LARS2: variants seen among roughly 807,000 people sequenced by gnomAD.
LARS2 encodes the protein leucine--tRNA ligase, mitochondrial.
LARS2 carries 81 observed loss-of-function variants against 116.6 expected under a neutral mutation model. That is an observed-to-expected ratio of 0.69 (90% CI 0.58 to 0.84). The LOEUF is 0.84. Ranked by LOEUF, LARS2 falls within the 40% of genes least tolerant of loss-of-function variation. The pLI is 0.00. For missense variants in LARS2, 968 were observed against 1,114.5 expected, an observed-to-expected ratio of 0.87 and a Z score of 1.87; for synonymous variants, 396 against 407.2, an observed-to-expected ratio of 0.97 and a Z score of 0.33.
chr3:45,483,482 C>G (rs1699740768), intron 10 of LARS2, among the ~76,000 whole-genome samples: 1 of 152,060 alleles, frequency 6.6e-6, no homozygotes, highest in Non-Finnish European at 1.5e-5. Flanking sequence ...AACCCCATCT[C>G]TACTAAAAAT....
intron 6 of LARS2, chr3:45,422,416 G>C (rs1698529757): frequency 6.6e-6 from 1 of 151,962 alleles, no homozygotes; most frequent in Admixed American, 6.6e-5. Context: ...TATGTACTTA[G>C]ACCTTTGAGA....
intron 10 of LARS2, among the ~76,000 whole-genome samples, chr3:45,480,028 C>T (rs1699672027): frequency 6.6e-6 from 1 of 152,190 alleles, no homozygotes; most frequent in Non-Finnish European, 1.5e-5. Flanking sequence ...TAATTAATTG[C>T]TCACTACTGT....
chr3:45,495,825 G>A (rs1700001595), intron 13 of LARS2, among the ~76,000 whole-genome samples: 1 of 151,862 alleles, frequency 6.6e-6, no homozygotes, highest in Non-Finnish European at 1.5e-5. Context: ...AATATAAAAA[G>A]AGAGCTTTCC....
At chr3:45,496,496 G>A (rs1700013881) in intron 14 of LARS2, 123 bp downstream of exon 14, 1 of 753,564 alleles carries the variant, frequency 1.3e-6, no homozygotes, top group Admixed American at 1.9e-5. Flanking sequence ...CAGATTAAAG[G>A]GGAGAAGAGG....
intron 15 of LARS2, chr3:45,509,555 T>A (rs1700252199): frequency 6.6e-6 from 1 of 152,106 alleles, no homozygotes; most frequent in Admixed American, 6.6e-5. Context: ...TGCCTGTTCT[T>A]ATTGTAAGCT....
At chr3:45,498,188 C>A (rs1419497679) in intron 14 of LARS2, among the ~76,000 whole-genome samples, 1 of 152,166 alleles carries the variant, frequency 6.6e-6, no homozygotes, top group Non-Finnish European at 1.5e-5. Context: ...CTCAAGTTAC[C>A]GTGGCGGGAG....
chr3:45,535,626 T>A (rs1490523860), intron 20 of LARS2, among the ~76,000 whole-genome samples: 3 of 151,954 alleles, frequency 2.0e-5, no homozygotes, highest in Admixed American at 2.0e-4. Context: ...GGGTTAGGAG[T>A]TGTGGGTGGT....
chr3:45,513,182 C>G lies in LARS2; in HGVS notation c.1808C>G (p.Thr603Arg), dbSNP rs760775440. 2 of 1,613,934 alleles carry G rather than the reference C, an allele frequency of 1.2e-6. No individual in the cohort carries two copies. Among genetic ancestry groups the G allele is most frequent in the South Asian group, 2.2e-5 (2 of 91,082 alleles). Residue 603 changes from threonine (T) to arginine (R), a missense_variant, in exon 16 of 22, where the codon ACA becomes AGA. By Grantham distance (71) the Thr-to-Arg change is moderately conservative (BLOSUM62 -1). Transcript: ENST00000645846. ...LLAQGLIKGQ[T>R]FRLPSGQYLQ... is the part of the protein sequence containing the mutation. ...GCCCAAGGCCTTATCAAGGGGCAGA[C>G]ATTCCGCCTACCATCTGGACAGTAT...
intron 6 of LARS2, among the ~76,000 whole-genome samples, chr3:45,441,665 A>G (rs1271972960): frequency 3.3e-5 from 5 of 152,182 alleles, no homozygotes; most frequent in Non-Finnish European, 7.4e-5. Context: ...ATTTTATACC[A>G]GGAACAGTAA....
At chr3:45,410,360 T>C (rs1389776473) in intron 4 of LARS2, among the ~76,000 whole-genome samples, 1 of 151,866 alleles carries the variant, frequency 6.6e-6, no homozygotes, top group Non-Finnish European at 1.5e-5. Context: ...GAGAAAGAAT[T>C]GCAGAACTTA....
chr3:45,465,614 C>T (rs192015258), intron 8 of LARS2, among the ~76,000 whole-genome samples: 1 of 152,210 alleles, frequency 6.6e-6, no homozygotes, highest in Non-Finnish European at 1.5e-5. Flanking sequence ...AGGCACCTGG[C>T]TGGCTCTCAG....
chr3:45,537,831 C>T (rs1247751935), intron 20 of LARS2, among the ~76,000 whole-genome samples: 1 of 152,182 alleles, frequency 6.6e-6, no homozygotes, highest in Non-Finnish European at 1.5e-5. Context: ...GGTGACCTCA[C>T]CACCTCTCAG....
At chr3:45,515,805 T>G (rs550783955) in intron 16 of LARS2, among the ~76,000 whole-genome samples, 1 of 152,350 alleles carries the variant, frequency 6.6e-6, no homozygotes, top group African/African-American at 2.4e-5. Context: ...AATAATTCAC[T>G]TGTAAAGGGG....
At chr3:45,513,340 C>A in intron 16 of LARS2, 105 bp downstream of exon 16, 1 of 784,080 alleles carries the variant, frequency 1.3e-6, no homozygotes, top group South Asian at 1.5e-5. Flanking sequence ...GGGGAGGATG[C>A]AGGAGAGAGA....
At position 45,476,267 on chromosome 3, in the gene LARS2, G is replaced by A. The variant is rs12487705; in HGVS notation, c.859-201G>A. Among the ~76,000 whole-genome samples the A allele has an allele frequency of 0.51, 78,085 of 151,964 alleles. 23,930 individuals carry two copies. The highest frequency in any genetic ancestry group is 0.78 in the East Asian group (4,020 of 5,156). ...TGCCTGGTGTGGGGCAAGTGGTAGG[G>A]GGTGTTTCTGAAAGAGGAACTGTGA... On this transcript the variant is annotated intron_variant, in intron 9 of 21. Coordinates refer to ENST00000645846, the MANE Select transcript of LARS2 (RefSeq NM_015340.4).
intron 4 of LARS2, among the ~76,000 whole-genome samples, chr3:45,409,425 G>A (rs1172426349): frequency 6.6e-6 from 1 of 152,206 alleles, no homozygotes; most frequent in Non-Finnish European, 1.5e-5. Flanking sequence ...CATGTATCTA[G>A]AGGTATTTGA....
intron 8 of LARS2, 77 bp downstream of exon 8, chr3:45,458,963 G>A (rs1210742939): frequency 4.1e-6 from 6 of 1,448,350 alleles, no homozygotes; most frequent in East Asian, 4.5e-5. Context: ...GGGTATGAGA[G>A]AGCCTCACTG....
At chr3:45,394,834 T>C in intron 3 of LARS2, 147 bp downstream of exon 3, 1 of 631,652 alleles carries the variant, frequency 1.6e-6, no homozygotes, top group East Asian at 2.7e-5. Flanking sequence ...TTCTCTTATC[T>C]GAGATGGAGA....
Position 45,547,386 on chromosome 3 carries a change from C to T in LARS2, c.2568C>T (p.Pro856=). The T allele has an allele frequency of 1.2e-6, 2 of 1,611,664 alleles. No individual in the cohort carries two copies. The highest frequency in any genetic ancestry group is 1.7e-5 in the Admixed American group (1 of 59,310). Residue 856 remains proline (P), a synonymous_variant, in exon 22 of 22, where the codon CCC becomes CCT. Coordinates refer to ENST00000645846, the MANE Select transcript of LARS2 (RefSeq NM_015340.4). ...NNKACGKIPV[P]QQVARDQDKV... ...AAGCTTGTGGCAAAATTCCTGTGCC[C>T]CAACAAGTTGCCCGGGACCAGGACA...
Sources: allele counts gnomAD v4.1 joint callset (sites outside exome capture counted in the v4.1 genomes callset), GRCh38; gene constraint gnomAD v4.1.1; transcripts MANE v1.5; gene names NCBI Gene and HGNC (gene_info 2026-07-23, HGNC 2026-07-21).